Variants in PNLIPRP3 observed in about 807,000 individuals in gnomAD.
The protein encoded by PNLIPRP3 is pancreatic lipase-related protein 3.
In PNLIPRP3, 58 loss-of-function variants were observed where a neutral mutation model predicts 52.8. The observed-to-expected ratio is 1.10, with a 90% confidence interval of 0.89 to 1.37. PNLIPRP3 has a LOEUF of 1.37. PNLIPRP3 is among the 40% of genes most tolerant of loss of function. PNLIPRP3 has a pLI of 0.00. For synonymous variants in PNLIPRP3, 192 were observed against 185.0 expected (o/e 1.04, Z -0.31); for missense variants, 593 against 561.6 (o/e 1.06, Z -0.57).
chr10:116,449,815 C>T (rs1051412741), intron 4 of PNLIPRP3, among the ~76,000 whole-genome samples: 4 of 152,166 alleles, frequency 2.6e-5, no homozygotes, highest in African/African-American at 9.7e-5. Flanking sequence ...CAGGTACACA[C>T]AGAACCTTCG....
At chr10:116,473,617 G>T (rs1427763508) in intron 10 of PNLIPRP3, among the ~76,000 whole-genome samples, 2 of 152,026 alleles carry the variant, frequency 1.3e-5, no homozygotes, top group South Asian at 2.1e-4. Context: ...CCCTTCCCGG[G>T]TTCAAGTGAT....
At chr10:116,465,906 A>G in intron 7 of PNLIPRP3, 144 bp from the exon 8 acceptor site, 1 of 680,206 alleles carries the variant, frequency 1.5e-6, no homozygotes, top group South Asian at 1.6e-5. Context: ...AACTTTGATA[A>G]ATGTACAATA....
intron 4 of PNLIPRP3, among the ~76,000 whole-genome samples, chr10:116,450,940 C>A (rs1018715486): frequency 1.3e-5 from 2 of 151,608 alleles, no homozygotes; most frequent in Non-Finnish European, 2.9e-5. Context: ...ATAGTAAAAA[C>A]AATTGTGAAA....
intron 1 of PNLIPRP3, among the ~76,000 whole-genome samples, chr10:116,429,196 A>C (rs1845676350): frequency 6.6e-6 from 1 of 152,180 alleles, no homozygotes; most frequent in Admixed American, 6.6e-5. Flanking sequence ...CATGCATAAA[A>C]TTATTAAAAT....
intron 9 of PNLIPRP3, among the ~76,000 whole-genome samples, chr10:116,470,846 C>G (rs1846359251): frequency 6.6e-6 from 1 of 152,204 alleles, no homozygotes; most frequent in East Asian, 1.9e-4. Context: ...AATGGAAGTC[C>G]TGTGTCTTCT....
At chr10:116,448,124 A>G (rs1029589807) in intron 4 of PNLIPRP3, among the ~76,000 whole-genome samples, 30 of 152,198 alleles carry the variant, frequency 2.0e-4, no homozygotes, top group African/African-American at 7.0e-4. Flanking sequence ...GTAAACATAT[A>G]GACAAATACA....
chr10:116,466,929 C>T (rs1448850456), intron 8 of PNLIPRP3, among the ~76,000 whole-genome samples: 2 of 152,178 alleles, frequency 1.3e-5, no homozygotes, highest in Admixed American at 6.5e-5. Context: ...TGTCAGTTTC[C>T]TGCCATTCTT....
chr10:116,445,978 G>A (rs1383305161), intron 4 of PNLIPRP3, among the ~76,000 whole-genome samples: 2 of 152,140 alleles, frequency 1.3e-5, no homozygotes, highest in African/African-American at 4.8e-5. Context: ...GAAGAATGAA[G>A]GGGATAAGGG....
At chr10:116,448,516 G>T (rs1325858771) in intron 4 of PNLIPRP3, among the ~76,000 whole-genome samples, 7 of 137,496 alleles carry the variant, frequency 5.1e-5, no homozygotes, top group Non-Finnish European at 8.0e-5. Context: ...GAGGACCAAA[G>T]AACTATAAGA....
rs1564695396 is a variant in PNLIPRP3, at chr10:116,443,650, GTGTTTA to G, written c.324+478_324+483del. ...TATAACACATATATATAACACATAT[GTGTTTA>G]TATATATAACACATATATATAAACA... On this transcript the variant is annotated intron_variant, in intron 3 of 11. Transcript: ENST00000369230. Among the ~76,000 whole-genome samples the G allele has an allele frequency of 6.7e-3, 28 of 4,156 alleles. 1 individual carries two copies. Among genetic ancestry groups the G allele is most frequent in the Admixed American group, 0.018 (8 of 446 alleles). 2.7% of individuals were successfully genotyped at this position (4,156 alleles called of 152,430 possible).
chr10:116,464,927 G>C (rs1014819727), intron 7 of PNLIPRP3, among the ~76,000 whole-genome samples: 1 of 152,234 alleles, frequency 6.6e-6, no homozygotes, highest in Admixed American at 6.5e-5. Flanking sequence ...CGTGGGGTGG[G>C]ATGGCTACAG....
intron 4 of PNLIPRP3, among the ~76,000 whole-genome samples, chr10:116,452,124 A>G (rs904818164): frequency 6.6e-6 from 1 of 152,202 alleles, no homozygotes; most frequent in Admixed American, 6.5e-5. Flanking sequence ...ACACCCTACC[A>G]AAGTGCTTAG....
intron 4 of PNLIPRP3, among the ~76,000 whole-genome samples, chr10:116,448,897 T>A (rs1013899432): frequency 6.6e-6 from 1 of 151,512 alleles, no homozygotes; most frequent in African/African-American, 2.4e-5. Context: ...GTGCCTGTAA[T>A]CCCACCTACT....
chr10:116,471,920 G>A lies in PNLIPRP3; in HGVS notation c.1172+41G>A, dbSNP rs542837870. Reference sequence around the variant, plus strand: ...AACTGACGCTTTGCACAGTGCTGGGGGCTCAGTAACACTAAGTGAGACTGG... The same window carrying A: ...AACTGACGCTTTGCACAGTGCTGGGAGCTCAGTAACACTAAGTGAGACTGG... On this transcript the variant is annotated intron_variant, in intron 10 of 11. Transcript: ENST00000369230. The A allele has an allele frequency of 2.3e-6, 3 of 1,312,376 alleles. No individual in the cohort carries two copies. In the East Asian group the frequency reaches 7.2e-5, roughly 31 times the overall value. 81.3% of individuals were successfully genotyped at this position (1,312,376 alleles called of 1,614,324 possible).
Position 116,457,912 on chromosome 10 carries a change from G to T in PNLIPRP3, c.565+2082G>T, listed in dbSNP as rs564426014. Among the ~76,000 whole-genome samples the T allele has an allele frequency of 3.3e-5, 5 of 152,268 alleles. No homozygotes were observed. In the East Asian group the frequency reaches 5.8e-4, roughly 18 times the overall value. ...TTTAAAGGTTTTCTGAATGTCCAAA[G>T]AATTAATATTATGTGGATGTTTTAA... On this transcript the variant is annotated intron_variant, in intron 5 of 11. Transcript: ENST00000369230.
At chr10:116,443,732 G>A (rs1452158572) in intron 3 of PNLIPRP3, among the ~76,000 whole-genome samples, 8 of 138,364 alleles carry the variant, frequency 5.8e-5, no homozygotes, top group African/African-American at 1.6e-4. Context: ...TAATGCATAG[G>A]TGCTAATTAC....
chr10:116,469,180 A>G lies in PNLIPRP3; in HGVS notation c.928-5A>G. ...AAGTAATCACCTTTCATTTTCTGTC[A>G]TCAGGGAAATTGCTTCTTTTGTTCC... is the stretch of plus-strand genomic sequence containing the variant. On this transcript the variant is annotated splice_polypyrimidine_tract_variant and splice_region_variant and intron_variant, in intron 8 of 11. Coordinates refer to ENST00000369230, the MANE Select transcript of PNLIPRP3 (RefSeq NM_001011709.3). 7 of 1,609,886 alleles carry G rather than the reference A, an allele frequency of 4.3e-6. No homozygotes were observed. The highest frequency in any genetic ancestry group is 1.1e-5 in the South Asian group (1 of 89,334).
chr10:116,467,453 G>A (rs1175867780), intron 8 of PNLIPRP3, among the ~76,000 whole-genome samples: 1 of 152,126 alleles, frequency 6.6e-6, no homozygotes, highest in Admixed American at 6.5e-5. Context: ...TAGCCTAAAT[G>A]TCTATGGTTT....
intron 1 of PNLIPRP3, among the ~76,000 whole-genome samples, chr10:116,429,349 T>C (rs1845678022): frequency 6.6e-6 from 1 of 152,206 alleles, no homozygotes. Context: ...GAAACACTTC[T>C]GGTCCCAAGC....
Sources: gnomAD v4.1 joint callset for allele counts (sites outside exome capture counted in the v4.1 genomes callset) on GRCh38, gnomAD v4.1.1 for gene constraint, MANE v1.5 for transcripts, NCBI Gene and HGNC (gene_info 2026-07-23, HGNC 2026-07-21) for gene names.